The following ADAMTS12 variants were observed in gnomAD, a reference collection of about 807,000 sequenced individuals.
ADAMTS12 encodes the protein A disintegrin and metalloproteinase with thrombospondin motifs 12.
A neutral mutation model predicts 167.8 loss-of-function variants in ADAMTS12; 118 were observed. The ratio of observed to expected loss-of-function variants is 0.70; its 90% confidence interval spans 0.61 to 0.82. The LOEUF (loss-of-function observed/expected upper bound fraction) is 0.82, where lower values mean the gene tolerates loss of function less well. Ranked by LOEUF, ADAMTS12 falls within the 40% of genes least tolerant of loss-of-function variation. The pLI, the probability that ADAMTS12 is intolerant of heterozygous loss-of-function variation, is 0.00. For synonymous variants in ADAMTS12, 704 were observed against 716.9 expected, an observed-to-expected ratio of 0.98 and a Z score of 0.29; for missense variants, 1,916 against 1,998.8, an observed-to-expected ratio of 0.96 and a Z score of 0.79.
intron 3 of ADAMTS12, among the ~76,000 whole-genome samples, chr5:33,737,059 G>C (rs987169184): frequency 1.3e-5 from 2 of 152,200 alleles, no homozygotes; most frequent in Non-Finnish European, 2.9e-5. Flanking sequence ...TGAGATCAAG[G>C]GAATGACAGA....
intron 2 of ADAMTS12, among the ~76,000 whole-genome samples, chr5:33,840,952 A>G (rs1459614891): frequency 2.6e-5 from 4 of 152,220 alleles, no homozygotes; most frequent in Non-Finnish European, 5.9e-5. Flanking sequence ...GCTCAAATCA[A>G]CTGAAGCTAA....
In ADAMTS12 at chr5:33,617,148, G is replaced by A. The variant is rs76773278; in HGVS notation, c.2144-1076C>T. Reference sequence around the variant, plus strand: ...AAGGGGATTGAATGATGACGTCTGCGGTCCCTCTCAGCTCTAATAGTGAGT... The same window carrying A: ...AAGGGGATTGAATGATGACGTCTGCAGTCCCTCTCAGCTCTAATAGTGAGT... On this transcript the variant is annotated intron_variant, in intron 14 of 23. Transcript: ENST00000504830. 3.1e-3 allele frequency among the ~76,000 whole-genome samples: 468 copies of A among 151,822 alleles called. 1 individual carries two copies. Among genetic ancestry groups the A allele is most frequent in the Middle Eastern group, 0.014 (4 of 292 alleles).
chr5:33,611,581 T>C (rs1251504702), intron 16 of ADAMTS12, among the ~76,000 whole-genome samples: 1 of 152,194 alleles, frequency 6.6e-6, no homozygotes, highest in Non-Finnish European at 1.5e-5. Context: ...GGTAATTTGG[T>C]ATAAGTCAAT....
chr5:33,688,671 T>C (rs1742440364), intron 3 of ADAMTS12, among the ~76,000 whole-genome samples: 1 of 152,014 alleles, frequency 6.6e-6, no homozygotes, highest in Admixed American at 6.6e-5. Context: ...AAACTGAACA[T>C]AGATGGCAGA....
chr5:33,662,090 G>A (rs368038748), intron 5 of ADAMTS12, 50 bp from the exon 6 acceptor site: 5 of 1,592,844 alleles, frequency 3.1e-6, no homozygotes, highest in Non-Finnish European at 4.3e-6. Flanking sequence ...ACTGTGGTCA[G>A]GGACCATTGC....
At chr5:33,579,173 T>A (rs1746922478) in intron 18 of ADAMTS12, among the ~76,000 whole-genome samples, 1 of 152,228 alleles carries the variant, frequency 6.6e-6, no homozygotes, top group Non-Finnish European at 1.5e-5. Context: ...CTGTGCTCCA[T>A]CTATTTTAGT....
At chr5:33,659,530 T>C (rs186998638) in intron 6 of ADAMTS12, among the ~76,000 whole-genome samples, 44 of 152,314 alleles carry the variant, frequency 2.9e-4, no homozygotes, top group African/African-American at 8.4e-4. Flanking sequence ...CATTTTGATA[T>C]GGCAGGAGGT....
At chr5:33,853,210 C>T (rs1281802123) in intron 2 of ADAMTS12, among the ~76,000 whole-genome samples, 1 of 152,230 alleles carries the variant, frequency 6.6e-6, no homozygotes, top group Non-Finnish European at 1.5e-5. Flanking sequence ...AAGGTCTCTT[C>T]ATTCTTGACC....
chr5:33,736,556 A>G (rs533936208), intron 3 of ADAMTS12, among the ~76,000 whole-genome samples: 13 of 152,326 alleles, frequency 8.5e-5, no homozygotes, highest in African/African-American at 3.1e-4. Flanking sequence ...ACAAACAGGA[A>G]AAGAAAGCAC....
At position 33,624,116 on chromosome 5, in the gene ADAMTS12, T is replaced by C. The variant is rs919342523; in HGVS notation, c.2143+115A>G. 8 of 1,478,598 alleles carry C rather than the reference T, an allele frequency of 5.4e-6. No homozygotes were observed. The African/African-American group carries it at 9.8e-5, about 18-fold the overall frequency. 91.6% of individuals were successfully genotyped at this position (1,478,598 alleles called of 1,614,324 possible). On this transcript the variant is annotated intron_variant, in intron 14 of 23. Coordinates refer to ENST00000504830, the MANE Select transcript of ADAMTS12 (RefSeq NM_030955.4). ...AAGGCTATATTCCATTTTGAATACT[T>C]TGAAAATCACAGACTGTTTAAAGAA...
In ADAMTS12 at chr5:33,527,228, T is replaced by C; in HGVS notation, c.4745A>G (p.Gln1582Arg). ...PQTHITHTQR[Q>R]RRQRLLQKSK... ...CTTTTGGAGCAACCGTTGCCTTCTT[T>C]GCCTTTGGGTGTGTGTGATGTGTGT... The change falls in exon 24 of 24, where the codon CAA becomes CGA. Residue 1582 changes from glutamine (Q) to arginine (R), a missense_variant. Transcript: ENST00000504830. 1 of 1,614,100 alleles carries C rather than the reference T, an allele frequency of 6.2e-7. No homozygotes were observed. The highest frequency in any genetic ancestry group is 8.5e-7 in the Non-Finnish European group (1 of 1,180,012).
At chr5:33,589,698 G>T (rs1747540741) in intron 17 of ADAMTS12, among the ~76,000 whole-genome samples, 1 of 152,092 alleles carries the variant, frequency 6.6e-6, no homozygotes, top group Admixed American at 6.5e-5. Context: ...CAGCCCGCTT[G>T]TCCATCCCTT....
At chr5:33,836,207 C>G (rs1397438590) in intron 2 of ADAMTS12, among the ~76,000 whole-genome samples, 1 of 152,040 alleles carries the variant, frequency 6.6e-6, no homozygotes, top group African/African-American at 2.4e-5. Flanking sequence ...GAGGGAGAAG[C>G]AGGGATGCAG....
chr5:33,767,062 T>C (rs1470058098), intron 2 of ADAMTS12, among the ~76,000 whole-genome samples: 1 of 151,054 alleles, frequency 6.6e-6, no homozygotes, highest in Non-Finnish European at 1.5e-5. Context: ...AATAATTGCC[T>C]GGCAAACAAA....
At chr5:33,561,247 G>T in intron 19 of ADAMTS12, 68 bp from the exon 20 acceptor site, 1 of 1,569,426 alleles carries the variant, frequency 6.4e-7, no homozygotes. Context: ...CCATCACTGG[G>T]ATCCTGGAGT....
rs1374595501 is a variant in ADAMTS12 at position 33,653,602 on chromosome 5, T to C, written c.1191-3905A>G. Among the ~76,000 whole-genome samples the C allele has an allele frequency of 2.0e-5, 3 of 152,290 alleles. No homozygotes were observed. The East Asian group carries it at 5.8e-4, about 29-fold the overall frequency. On this transcript the variant is annotated intron_variant, in intron 7 of 23. Coordinates refer to ENST00000504830, the MANE Select transcript of ADAMTS12 (RefSeq NM_030955.4). ...GATTCTTGGTTGTCGACAGGTCTTT[T>C]CTTTTAACATTGAAAAATATTGCAC... is the stretch of plus-strand genomic sequence containing the variant.
At chr5:33,598,982 C>T (rs183837687) in intron 16 of ADAMTS12, among the ~76,000 whole-genome samples, 15 of 152,330 alleles carry the variant, frequency 9.8e-5, no homozygotes, top group African/African-American at 7.2e-5. Context: ...GGAAACTCAG[C>T]GCCCTTGGAA....
At chr5:33,780,401 T>C (rs1181722557) in intron 2 of ADAMTS12, among the ~76,000 whole-genome samples, 1 of 152,180 alleles carries the variant, frequency 6.6e-6, no homozygotes, top group Non-Finnish European at 1.5e-5. Context: ...TATGAGATAC[T>C]TTACAGATAA....
chr5:33,886,320 G>T lies in ADAMTS12; in HGVS notation c.128-4840C>A, dbSNP rs943269174. On this transcript the variant is annotated intron_variant, in intron 1 of 23. Transcript: ENST00000504830. ...TATAGTAAGTGTTTCATGAGCACTT[G>T]CTATGAGCCAGCTACCATAAGTCTT... Among the ~76,000 whole-genome samples, 6 of 152,182 alleles carry T rather than the reference G, an allele frequency of 3.9e-5. 1 individual carries two copies. Among genetic ancestry groups the T allele is most frequent in the Admixed American group, 2.6e-4 (4 of 15,278 alleles).
Sources: gnomAD v4.1 joint callset for allele counts (sites outside exome capture counted in the v4.1 genomes callset) on GRCh38, gnomAD v4.1.1 for gene constraint, MANE v1.5 for transcripts, NCBI Gene and HGNC (gene_info 2026-07-23, HGNC 2026-07-21) for gene names.